SMAP1: variants seen among roughly 807,000 people sequenced by gnomAD.
The protein encoded by SMAP1 is stromal membrane-associated protein 1.
A neutral mutation model predicts 58.5 loss-of-function variants in SMAP1; 24 were observed. That is an observed-to-expected ratio of 0.41 (90% CI 0.30 to 0.58). SMAP1 has a LOEUF of 0.58. Ranked by LOEUF, SMAP1 falls within the 20% of genes least tolerant of loss-of-function variation. SMAP1 has a pLI of 0.29. For missense variants in SMAP1, 563 were observed against 566.3 expected (o/e 0.99, Z 0.06); for synonymous variants, 216 against 196.6 (o/e 1.10, Z -0.82).
intron 5 of SMAP1, among the ~76,000 whole-genome samples, chr6:70,792,129 GTTTCT>G (rs1768389183): frequency 6.6e-6 from 1 of 151,988 alleles, no homozygotes; most frequent in African/African-American, 2.4e-5. Context: ...TTAATGTCAA[GTTTCT>G]TTTTTTTAAG....
chr6:70,767,324 A>G (rs543351468), intron 3 of SMAP1, among the ~76,000 whole-genome samples: 33 of 152,188 alleles, frequency 2.2e-4, no homozygotes, highest in Admixed American at 1.6e-3. Flanking sequence ...TTGAATCTAT[A>G]AATTACCTTG....
intron 3 of SMAP1, chr6:70,773,068 G>T (rs1767396592): frequency 3.2e-6 from 1 of 313,308 alleles, no homozygotes; most frequent in African/African-American, 2.2e-5. Flanking sequence ...TGCATTGATA[G>T]TGGTGGTGGT....
At chr6:70,768,194 G>T (rs1009592152) in intron 3 of SMAP1, among the ~76,000 whole-genome samples, 40 of 152,158 alleles carry the variant, frequency 2.6e-4, no homozygotes, top group African/African-American at 2.4e-5. Context: ...TCATCAAGGA[G>T]ATTGGTCTAA....
At chr6:70,717,729 T>G (rs1355290539) in intron 1 of SMAP1, among the ~76,000 whole-genome samples, 2 of 152,338 alleles carry the variant, frequency 1.3e-5, no homozygotes, top group East Asian at 3.9e-4. Flanking sequence ...TCAGATCACA[T>G]TTTTAGGTGG....
intron 3 of SMAP1, among the ~76,000 whole-genome samples, chr6:70,771,091 C>T (rs1185054913): frequency 1.3e-5 from 2 of 152,248 alleles, no homozygotes; most frequent in Non-Finnish European, 2.9e-5. Context: ...AATGCTGCTG[C>T]CTGATCGTTC....
intron 1 of SMAP1, among the ~76,000 whole-genome samples, chr6:70,699,049 A>G (rs1332896588): frequency 6.6e-6 from 1 of 152,182 alleles, no homozygotes; most frequent in Non-Finnish European, 1.5e-5. Flanking sequence ...AGGCTGTCCA[A>G]GTATGCAAAG....
intron 4 of SMAP1, among the ~76,000 whole-genome samples, chr6:70,786,463 C>T (rs1411421799): frequency 4.1e-5 from 2 of 48,298 alleles, no homozygotes; most frequent in Non-Finnish European, 6.7e-5. Flanking sequence ...GGCAATTAGG[C>T]AGGAGAAGGA....
chr6:70,792,152 A>G (rs1211227543), intron 5 of SMAP1, among the ~76,000 whole-genome samples: 1 of 152,130 alleles, frequency 6.6e-6, no homozygotes, highest in Non-Finnish European at 1.5e-5. Flanking sequence ...AAGCAATAGT[A>G]AACATCATAC....
rs181167993 is a variant in SMAP1, at chr6:70,741,388, C to T, written c.252+8877C>T. On this transcript the variant is annotated intron_variant, in intron 2 of 10. Transcript: ENST00000370455. ...AAGGAGCCACAGGCCCCATGCAAGT[C>T]GGAAATCCAGCAGGTCAGTCAAATC... Among the ~76,000 whole-genome samples, 264 of 152,298 alleles carry T rather than the reference C, an allele frequency of 1.7e-3. 1 individual carries two copies. The highest frequency in any genetic ancestry group is 2.4e-3 in the Non-Finnish European group (164 of 68,022).
At chr6:70,782,347 T>C (rs544810288) in intron 4 of SMAP1, among the ~76,000 whole-genome samples, 1 of 152,334 alleles carries the variant, frequency 6.6e-6, no homozygotes, top group East Asian at 1.9e-4. Context: ...GCTTCCTTCC[T>C]CCTCTTTTCC....
chr6:70,767,657 G>A (rs1283378267), intron 3 of SMAP1, among the ~76,000 whole-genome samples: 139 of 149,998 alleles, frequency 9.3e-4, no homozygotes, highest in African/African-American at 2.9e-3. Flanking sequence ...GGGCTGAGAC[G>A]ATGGGGTTTT....
At chr6:70,745,277 C>T (rs1177630730) in intron 2 of SMAP1, among the ~76,000 whole-genome samples, 2 of 152,162 alleles carry the variant, frequency 1.3e-5, no homozygotes, top group South Asian at 2.1e-4. Context: ...GTATTGCCTA[C>T]GTTTTCTTAT....
At chr6:70,688,154 A>C (rs1395267753) in intron 1 of SMAP1, among the ~76,000 whole-genome samples, 1 of 152,178 alleles carries the variant, frequency 6.6e-6, no homozygotes, top group Non-Finnish European at 1.5e-5. Flanking sequence ...CTTTTTATTA[A>C]ATAGAATTTT....
chr6:70,757,944 T>C (rs1312826134), intron 3 of SMAP1, among the ~76,000 whole-genome samples: 1 of 152,108 alleles, frequency 6.6e-6, no homozygotes, highest in East Asian at 1.9e-4. Context: ...AGTTCAACCA[T>C]TGTGGAAGTC....
intron 6 of SMAP1, among the ~76,000 whole-genome samples, chr6:70,827,765 C>T (rs1416537954): frequency 6.6e-6 from 1 of 152,140 alleles, no homozygotes; most frequent in Non-Finnish European, 1.5e-5. Context: ...CTTCTCCAGC[C>T]CAGTGAGATA....
intron 6 of SMAP1, among the ~76,000 whole-genome samples, chr6:70,830,703 G>A (rs1384798245): frequency 6.6e-6 from 1 of 152,140 alleles, no homozygotes; most frequent in Non-Finnish European, 1.5e-5. Flanking sequence ...AAAGTTTTCA[G>A]GAAGACATAA....
intron 7 of SMAP1, among the ~76,000 whole-genome samples, chr6:70,846,404 G>A (rs774111713): frequency 2.0e-5 from 3 of 152,150 alleles, no homozygotes; most frequent in Non-Finnish European, 4.4e-5. Flanking sequence ...GTCATGGCTC[G>A]GGGCTATAAA....
intron 1 of SMAP1, among the ~76,000 whole-genome samples, chr6:70,690,330 G>T (rs1471519413): frequency 2.6e-5 from 4 of 151,740 alleles, no homozygotes; most frequent in Admixed American, 2.6e-4. Context: ...TTTTGAGACG[G>T]ACTTTCGCTC....
intron 4 of SMAP1, among the ~76,000 whole-genome samples, chr6:70,785,933 T>A (rs1768003505): frequency 2.6e-5 from 4 of 152,054 alleles, no homozygotes; most frequent in African/African-American, 9.7e-5. Flanking sequence ...AAAGAGGGAA[T>A]CCTCCCTAAC....
Sources: gnomAD v4.1 joint callset for allele counts (sites outside exome capture counted in the v4.1 genomes callset) on GRCh38, gnomAD v4.1.1 for gene constraint, MANE v1.5 for transcripts, NCBI Gene and HGNC (gene_info 2026-07-23, HGNC 2026-07-21) for gene names.